Variants in LSAMP observed in about 807,000 individuals in gnomAD.
LSAMP encodes limbic system associated membrane protein, also known as limbic system-associated membrane protein.
Under a neutral mutation model 38.6 loss-of-function variants are expected in LSAMP, and 7 were observed. The ratio of observed to expected loss-of-function variants is 0.18; its 90% CI spans 0.10 to 0.34. The LOEUF is 0.34. LSAMP is among the 10% of genes least tolerant of loss of function. The pLI, the probability that LSAMP is intolerant of heterozygous loss-of-function variation, is 1.00. For synonymous variants in LSAMP, 154 were observed against 166.8 expected, an observed-to-expected ratio of 0.92 and a Z score of 0.59; for missense variants, 313 against 420.0, an observed-to-expected ratio of 0.75 and a Z score of 2.23.
At chr3:116,302,422 G>C (rs1181290152) in intron 1 of LSAMP, among the ~76,000 whole-genome samples, 1 of 152,036 alleles carries the variant, frequency 6.6e-6, no homozygotes, top group African/African-American at 2.4e-5. Context: ...TACTTAGAAC[G>C]GTAATCACCT....
intron 6 of LSAMP, among the ~76,000 whole-genome samples, chr3:115,839,653 A>G (rs567543287): frequency 6.6e-6 from 1 of 152,144 alleles, no homozygotes; most frequent in Admixed American, 6.5e-5. Flanking sequence ...CTTTCCCATA[A>G]AAGTGGGACA....
chr3:116,284,009 A>C (rs2047162661), intron 1 of LSAMP, among the ~76,000 whole-genome samples: 1 of 152,180 alleles, frequency 6.6e-6, no homozygotes, highest in Admixed American at 6.5e-5. Context: ...CTGTCTCCCA[A>C]AAAAATAAAT....
chr3:115,943,916 C>T (rs1938012675), intron 3 of LSAMP, among the ~76,000 whole-genome samples: 1 of 152,188 alleles, frequency 6.6e-6, no homozygotes, highest in Non-Finnish European at 1.5e-5. Context: ...TAGGAAAATA[C>T]ATCTTGTAAC....
Position 115,968,805 on chromosome 3 carries a change from T to A in LSAMP, c.514+50710A>T, listed in dbSNP as rs190252922. Among the ~76,000 whole-genome samples the A allele has an allele frequency of 1.3e-3, 191 of 152,300 alleles. No homozygotes were observed. In the Middle Eastern group the frequency reaches 0.017, roughly 14 times the overall value. ...CAGTCCTTGTGGCCTAGACTGCCTT[T>A]CCAGTTTATTTAGGACCTCAGAGTG... is the stretch of plus-strand genomic sequence containing the variant. On this transcript the variant is annotated intron_variant, in intron 3 of 6. Coordinates refer to ENST00000490035, the MANE Select transcript of LSAMP (RefSeq NM_002338.5).
intron 6 of LSAMP, among the ~76,000 whole-genome samples, chr3:115,823,572 A>G (rs897883954): frequency 3.8e-4 from 58 of 152,368 alleles, no homozygotes; most frequent in African/African-American, 1.4e-3. Context: ...AAATTCTTCC[A>G]TAATGAGAAT....
At chr3:115,857,359 C>T (rs1935539902) in intron 3 of LSAMP, among the ~76,000 whole-genome samples, 1 of 152,180 alleles carries the variant, frequency 6.6e-6, no homozygotes, top group Admixed American at 6.5e-5. Context: ...CTGCTCTCAA[C>T]CCCAGGGTCC....
chr3:116,169,953 G>A (rs1359602422), intron 1 of LSAMP, among the ~76,000 whole-genome samples: 1 of 152,058 alleles, frequency 6.6e-6, no homozygotes, highest in Non-Finnish European at 1.5e-5. Flanking sequence ...CACCAGTGAT[G>A]GGCACTAACA....
chr3:116,325,454 G>C (rs2047757418), intron 1 of LSAMP, among the ~76,000 whole-genome samples: 9 of 152,146 alleles, frequency 5.9e-5, no homozygotes, highest in Admixed American at 5.9e-4. Context: ...AGGAGAGACA[G>C]TCACATATTT....
At chr3:116,284,143 A>C (rs987511390) in intron 1 of LSAMP, among the ~76,000 whole-genome samples, 8 of 152,190 alleles carry the variant, frequency 5.3e-5, no homozygotes, top group Non-Finnish European at 1.0e-4. Flanking sequence ...TATGACTTCT[A>C]AAATTGAAGA....
chr3:116,175,008 C>G (rs1474589046), intron 1 of LSAMP, among the ~76,000 whole-genome samples: 3 of 152,088 alleles, frequency 2.0e-5, no homozygotes, highest in Non-Finnish European at 4.4e-5. Flanking sequence ...TCTCCTCCAT[C>G]AATATGAGGA....
chr3:116,230,869 C>T (rs914503997), intron 1 of LSAMP, among the ~76,000 whole-genome samples: 18 of 151,918 alleles, frequency 1.2e-4, no homozygotes, highest in African/African-American at 3.4e-4. Context: ...TTCAGTTAAA[C>T]GAAATGGAAA....
intron 6 of LSAMP, among the ~76,000 whole-genome samples, chr3:115,815,952 G>A (rs1934003625): frequency 6.6e-6 from 1 of 152,106 alleles, no homozygotes; most frequent in African/African-American, 2.4e-5. Context: ...TCACTGGTGG[G>A]ATGTAAGTTC....
intron 1 of LSAMP, among the ~76,000 whole-genome samples, chr3:116,349,431 A>T (rs1559837211): frequency 6.6e-6 from 1 of 151,554 alleles, no homozygotes; most frequent in Non-Finnish European, 1.5e-5. Context: ...ACTTAGTATC[A>T]TCATACTTTA....
At chr3:116,380,911 T>C (rs564993501) in intron 1 of LSAMP, among the ~76,000 whole-genome samples, 1 of 152,154 alleles carries the variant, frequency 6.6e-6, no homozygotes, top group African/African-American at 2.4e-5. Context: ...TTATGACTGA[T>C]AGAATTAATT....
chr3:115,931,680 G>A (rs772917084), intron 3 of LSAMP, among the ~76,000 whole-genome samples: 5 of 152,164 alleles, frequency 3.3e-5, no homozygotes, highest in Non-Finnish European at 5.9e-5. Flanking sequence ...TATCTAATAT[G>A]TATAGCTATT....
At chr3:116,201,896 A>G (rs1365642606) in intron 1 of LSAMP, among the ~76,000 whole-genome samples, 1 of 152,148 alleles carries the variant, frequency 6.6e-6, no homozygotes, top group African/African-American at 2.4e-5. Flanking sequence ...TTTAACTGGC[A>G]CAAACACCAG....
chr3:116,218,528 C>T (rs2046246874), intron 1 of LSAMP, among the ~76,000 whole-genome samples: 1 of 152,198 alleles, frequency 6.6e-6, no homozygotes, highest in Non-Finnish European at 1.5e-5. Flanking sequence ...ATTCACTTCC[C>T]AGTGTACAAC....
intron 2 of LSAMP, among the ~76,000 whole-genome samples, chr3:116,086,114 T>A (rs1707983353): frequency 6.6e-6 from 1 of 152,208 alleles, no homozygotes; most frequent in Admixed American, 6.5e-5. Context: ...CTCACCAATG[T>A]TACTGGCTCT....
chr3:116,019,834 G>A (rs1940588337), intron 2 of LSAMP, among the ~76,000 whole-genome samples, 194 bp from the exon 3 acceptor site: 1 of 152,048 alleles, frequency 6.6e-6, no homozygotes, highest in South Asian at 2.1e-4. Flanking sequence ...ACTACTATAA[G>A]GTAAGAACAC....
Sources: allele counts gnomAD v4.1 joint callset (sites outside exome capture counted in the v4.1 genomes callset), GRCh38; gene constraint gnomAD v4.1.1; transcripts MANE v1.5; gene names NCBI Gene and HGNC (gene_info 2026-07-23, HGNC 2026-07-21).